Variants in NR3C2 observed in about 807,000 individuals in gnomAD.
NR3C2 encodes nuclear receptor subfamily 3 group C member 2.
A neutral mutation model predicts 86.4 loss-of-function variants in NR3C2; 15 were observed. The observed-to-expected ratio is 0.17, with a 90% CI of 0.12 to 0.27. The LOEUF (loss-of-function observed/expected upper bound fraction) is 0.27, where lower values mean the gene tolerates loss of function less well. Ranked by LOEUF, NR3C2 falls within the 10% of genes least tolerant of loss-of-function variation. NR3C2 has a pLI of 1.00. For synonymous variants in NR3C2, 458 were observed against 450.5 expected, an observed-to-expected ratio of 1.02 and a Z score of -0.21; for missense variants, 960 against 1,195.6, an observed-to-expected ratio of 0.80 and a Z score of 2.91.
At chr4:148,255,144 C>A (rs1257729263) in intron 3 of NR3C2, among the ~76,000 whole-genome samples, 2 of 152,110 alleles carry the variant, frequency 1.3e-5, no homozygotes, top group African/African-American at 4.8e-5. Flanking sequence ...TGAGTGTGTG[C>A]ACACACAGCA....
At chr4:148,217,485 C>G (rs3846307) in intron 3 of NR3C2, among the ~76,000 whole-genome samples, 55,553 of 152,006 alleles carry the variant, frequency 0.37, 10,316 homozygotes, top group South Asian at 0.47. Context: ...GCAATGGAGT[C>G]TTTGGAACTC....
At chr4:148,238,476 A>G (rs1243113962) in intron 3 of NR3C2, among the ~76,000 whole-genome samples, 1 of 152,202 alleles carries the variant, frequency 6.6e-6, no homozygotes, top group Non-Finnish European at 1.5e-5. Flanking sequence ...AAAAATCGTA[A>G]TAAATATAAA....
intron 2 of NR3C2, among the ~76,000 whole-genome samples, chr4:148,410,767 C>A (rs1397281674): frequency 3.3e-5 from 5 of 152,078 alleles, no homozygotes; most frequent in Non-Finnish European, 7.4e-5. Flanking sequence ...GTATACTGGC[C>A]ATTCAGATTT....
At chr4:148,361,885 T>A (rs1239695543) in intron 2 of NR3C2, among the ~76,000 whole-genome samples, 3 of 152,226 alleles carry the variant, frequency 2.0e-5, no homozygotes, top group Non-Finnish European at 1.5e-5. Context: ...TCACCAAGGC[T>A]GGAGTGCAGT....
intron 2 of NR3C2, among the ~76,000 whole-genome samples, chr4:148,278,573 G>A (rs935472318): frequency 5.3e-5 from 8 of 151,866 alleles, no homozygotes; most frequent in African/African-American, 1.5e-4. Flanking sequence ...ACGTGCGTGC[G>A]CGCGCACACA....
intron 8 of NR3C2, among the ~76,000 whole-genome samples, chr4:148,081,828 G>C (rs1437427552): frequency 6.6e-6 from 1 of 152,242 alleles, no homozygotes; most frequent in Non-Finnish European, 1.5e-5. Flanking sequence ...ATTTCTAAAT[G>C]TGTGCCTACA....
chr4:148,179,208 C>T (rs1735534819), intron 4 of NR3C2, among the ~76,000 whole-genome samples: 1 of 151,332 alleles, frequency 6.6e-6, no homozygotes, highest in Non-Finnish European at 1.5e-5. Context: ...TGCTGGGGGT[C>T]CTGGCCCAAA....
At chr4:148,333,351 T>A (rs1310336983) in intron 2 of NR3C2, among the ~76,000 whole-genome samples, 1 of 152,026 alleles carries the variant, frequency 6.6e-6, no homozygotes, top group Non-Finnish European at 1.5e-5. Context: ...CTCTAATAAT[T>A]AGTCTCCCAT....
upstream of NR3C2, chr4:148,444,156 G>A: frequency 6.1e-6 from 6 of 985,422 alleles, no homozygotes; most frequent in Non-Finnish European, 7.2e-6. Flanking sequence ...CGGACCTAGA[G>A]CCTGGGCACG....
chr4:148,434,490 C>T (rs1579293995), intron 2 of NR3C2, among the ~76,000 whole-genome samples: 1 of 152,126 alleles, frequency 6.6e-6, no homozygotes, highest in Admixed American at 6.5e-5. Context: ...AGATTGTCCA[C>T]TTAGTAATTT....
rs754916440 is a variant in NR3C2, at chr4:148,435,302, C to T, written c.1559G>A (p.Gly520Glu). The change falls in exon 2 of 9, where the codon GGA (glycine) becomes GAA (glutamate). Residue 520 changes from glycine (G) to glutamate (E), a missense_variant. Physicochemically the swap from Gly to Glu is moderately conservative, Grantham distance 98. Transcript: ENST00000358102. ...ACCAATCCTGTAGTGGAAGGACTGT[C>T]CACCTGAATTCACCCCAACAATAGC... Reference protein sequence around the residue: ...SSAIVGVNSGGQSFHYRIGAQ... With the variant: ...SSAIVGVNSGEQSFHYRIGAQ... 1.9e-6 allele frequency: 3 copies of T among 1,614,122 alleles called. No homozygotes were observed. The highest frequency in any genetic ancestry group is 2.5e-6 in the Non-Finnish European group (3 of 1,180,022).
intron 7 of NR3C2, among the ~76,000 whole-genome samples, chr4:148,116,552 G>C (rs1732281938): frequency 6.6e-6 from 1 of 152,182 alleles, no homozygotes; most frequent in Non-Finnish European, 1.5e-5. Context: ...GAAAAACTTT[G>C]ATACACTGGA....
chr4:148,375,474 A>C, intron 2 of NR3C2, among the ~76,000 whole-genome samples: 1 of 152,028 alleles, frequency 6.6e-6, no homozygotes, highest in Non-Finnish European at 1.5e-5. Flanking sequence ...AAAAAAAAAA[A>C]AACCCTGCAA....
chr4:148,359,946 T>A (rs561121673), intron 2 of NR3C2, among the ~76,000 whole-genome samples: 1 of 152,112 alleles, frequency 6.6e-6, no homozygotes, highest in Non-Finnish European at 1.5e-5. Context: ...TAGGTGCAAA[T>A]AAGGAATTGG....
At chr4:148,315,021 G>C (rs1161900246) in intron 2 of NR3C2, among the ~76,000 whole-genome samples, 2 of 152,206 alleles carry the variant, frequency 1.3e-5, no homozygotes, top group East Asian at 3.9e-4. Context: ...GCAAATAGAA[G>C]TCTCAAATAA....
At chr4:148,256,281 T>C (rs939429197) in intron 3 of NR3C2, among the ~76,000 whole-genome samples, 5 of 152,030 alleles carry the variant, frequency 3.3e-5, no homozygotes, top group East Asian at 1.9e-4. Context: ...CAAAATAACA[T>C]TACAGGAATA....
chr4:148,098,023 C>T (rs1376308421), intron 8 of NR3C2, among the ~76,000 whole-genome samples: 1 of 152,076 alleles, frequency 6.6e-6, no homozygotes, highest in Non-Finnish European at 1.5e-5. Context: ...ACACTTCCGC[C>T]CACTCCCAAG....
intron 2 of NR3C2, among the ~76,000 whole-genome samples, chr4:148,340,637 G>C (rs1003894041): frequency 6.6e-6 from 1 of 152,008 alleles, no homozygotes; most frequent in African/African-American, 2.4e-5. Context: ...ACACAAATGG[G>C]ATCCTATCAA....
intron 4 of NR3C2, among the ~76,000 whole-genome samples, chr4:148,155,591 C>T (rs1368978814): frequency 6.6e-6 from 1 of 152,094 alleles, no homozygotes; most frequent in Admixed American, 6.5e-5. Context: ...GAACTACAAA[C>T]CACTGCTCAA....
Sources: gnomAD v4.1 joint callset for allele counts (sites outside exome capture counted in the v4.1 genomes callset) on GRCh38, gnomAD v4.1.1 for gene constraint, MANE v1.5 for transcripts, NCBI Gene and HGNC (gene_info 2026-07-23, HGNC 2026-07-21) for gene names.